The following TMEM163 variants were observed in gnomAD, a reference collection of about 807,000 sequenced individuals.
TMEM163 encodes the protein transmembrane protein 163.
Under a neutral mutation model 29.3 loss-of-function variants are expected in TMEM163, and 17 were observed. The ratio of observed to expected loss-of-function variants is 0.58; its 90% CI spans 0.40 to 0.87. The LOEUF is 0.87. Among genes scored for constraint, TMEM163 ranks in the 40% least tolerant of loss-of-function variants. The pLI, the probability that TMEM163 is intolerant of heterozygous loss-of-function variation, is 0.00. For missense variants in TMEM163, 303 were observed against 381.5 expected (o/e 0.79, Z 1.71); for synonymous variants, 157 against 160.6 (o/e 0.98, Z 0.17).
At chr2:134,701,056 G>T (rs930234284) in intron 2 of TMEM163, among the ~76,000 whole-genome samples, 12 of 151,822 alleles carry the variant, frequency 7.9e-5, no homozygotes, top group African/African-American at 2.9e-4. Context: ...GGTCCACATG[G>T]TCTAACCAGC....
intron 6 of TMEM163, among the ~76,000 whole-genome samples, chr2:134,461,669 C>T (rs532220397): frequency 7.4e-4 from 112 of 152,340 alleles, no homozygotes; most frequent in Middle Eastern, 3.4e-3. Flanking sequence ...TGGAATTTCC[C>T]CATCATCTCC....
At chr2:134,611,534 A>C (rs1359594212) in intron 2 of TMEM163, among the ~76,000 whole-genome samples, 1 of 152,192 alleles carries the variant, frequency 6.6e-6, no homozygotes, top group Admixed American at 6.5e-5. Context: ...CAATTGACCT[A>C]GTCATGACAT....
At chr2:134,613,862 CT>C (rs1474715100) in intron 2 of TMEM163, among the ~76,000 whole-genome samples, 3 of 152,072 alleles carry the variant, frequency 2.0e-5, no homozygotes, top group Admixed American at 2.0e-4. Context: ...AAACCACATT[CT>C]TGGTTTGGAA....
At chr2:134,535,689 A>C (rs1680520695) in intron 4 of TMEM163, among the ~76,000 whole-genome samples, 1 of 151,568 alleles carries the variant, frequency 6.6e-6, no homozygotes, top group African/African-American at 2.4e-5. Context: ...ATATGTATAA[A>C]TATTTTATAC....
chr2:134,493,816 G>A lies in TMEM163; in HGVS notation c.555+9085C>T, dbSNP rs141615895. On this transcript the variant is annotated intron_variant, in intron 5 of 7. Transcript: ENST00000281924. ...AGTTAGCTCTTGAATAAGGGTTGAT[G>A]CCCCTTTTTGTCCATATGGCAACCT... Among the ~76,000 whole-genome samples the A allele has an allele frequency of 2.4e-3, 362 of 152,266 alleles. 4 individuals are homozygous for A. Among genetic ancestry groups the A allele is most frequent in the Non-Finnish European group, 1.3e-3 (87 of 68,022 alleles).
intron 2 of TMEM163, among the ~76,000 whole-genome samples, chr2:134,656,620 C>A (rs1262705519): frequency 6.6e-6 from 1 of 152,218 alleles, no homozygotes; most frequent in Non-Finnish European, 1.5e-5. Context: ...GCAAGGTCAT[C>A]GAATGCTATG....
intron 2 of TMEM163, among the ~76,000 whole-genome samples, chr2:134,689,538 C>A (rs1254474201): frequency 2.0e-5 from 3 of 152,188 alleles, no homozygotes; most frequent in African/African-American, 7.2e-5. Flanking sequence ...CTCCAACTGC[C>A]CACTCCTGAG....
chr2:134,466,299 C>G, intron 5 of TMEM163, 74 bp from the exon 6 acceptor site: 1 of 1,260,268 alleles, frequency 7.9e-7, no homozygotes. Context: ...ACTTGCCTTA[C>G]AGATCAGCCT....
chr2:134,544,392 T>A (rs2106504765), intron 4 of TMEM163, among the ~76,000 whole-genome samples: 1 of 152,334 alleles, frequency 6.6e-6, no homozygotes, highest in East Asian at 1.9e-4. Context: ...AGAACTTTCA[T>A]CTGTTTTTTG....
intron 2 of TMEM163, among the ~76,000 whole-genome samples, chr2:134,676,942 G>A (rs1168187873): frequency 6.6e-6 from 1 of 151,950 alleles, no homozygotes; most frequent in Non-Finnish European, 1.5e-5. Context: ...CATAAATAGG[G>A]CAGGAAAAAA....
intron 2 of TMEM163, among the ~76,000 whole-genome samples, chr2:134,617,245 T>C (rs1180013980): frequency 6.6e-6 from 1 of 152,178 alleles, no homozygotes; most frequent in Non-Finnish European, 1.5e-5. Flanking sequence ...CAAAGTAGAT[T>C]ATGATACACT....
At chr2:134,487,255 G>A (rs1457790188) in intron 5 of TMEM163, among the ~76,000 whole-genome samples, 1 of 152,148 alleles carries the variant, frequency 6.6e-6, no homozygotes, top group African/African-American at 2.4e-5. Context: ...TAAAAAGTCA[G>A]CAAGGTTGCA....
chr2:134,656,664 C>G (rs1683626327), intron 2 of TMEM163, among the ~76,000 whole-genome samples: 1 of 152,198 alleles, frequency 6.6e-6, no homozygotes, highest in Admixed American at 6.5e-5. Flanking sequence ...ACATCCTTGT[C>G]TTGTTCCAGT....
At chr2:134,606,712 G>C (rs999656029) in intron 2 of TMEM163, among the ~76,000 whole-genome samples, 1 of 152,204 alleles carries the variant, frequency 6.6e-6, no homozygotes, top group Non-Finnish European at 1.5e-5. Context: ...AATCAAGAGG[G>C]TCAGTAACAA....
At chr2:134,491,591 G>A (rs989658638) in intron 5 of TMEM163, among the ~76,000 whole-genome samples, 11 of 152,074 alleles carry the variant, frequency 7.2e-5, no homozygotes, top group East Asian at 3.9e-4. Flanking sequence ...GGTTCCACTC[G>A]CCCTGTGTCT....
chr2:134,691,290 A>T (rs1684457344), intron 2 of TMEM163, among the ~76,000 whole-genome samples: 1 of 152,148 alleles, frequency 6.6e-6, no homozygotes, highest in Admixed American at 6.5e-5. Context: ...AGCACCTGTC[A>T]TTCCACAAGT....
chr2:134,697,463 ATTTTTT>A (rs3039626), intron 2 of TMEM163, among the ~76,000 whole-genome samples: 2 of 133,748 alleles, frequency 1.5e-5, no homozygotes, highest in East Asian at 4.3e-4. Context: ...TTTCTTCTCA[ATTTTTT>A]TTTTTTTTTT....
intron 1 of TMEM163, 115 bp downstream of exon 1, chr2:134,718,619 C>T: frequency 1.3e-6 from 1 of 788,254 alleles, no homozygotes; most frequent in Non-Finnish European, 1.6e-6. Context: ...GTCGGGGCTC[C>T]GCGCCCCCGC....
At chr2:134,599,693 CTT>C (rs559714595) in intron 2 of TMEM163, among the ~76,000 whole-genome samples, 28 of 130,918 alleles carry the variant, frequency 2.1e-4, no homozygotes, top group Non-Finnish European at 1.6e-4. Context: ...CCAACTTTAT[CTT>C]TTTTTTTTTT....
Sources: allele counts gnomAD v4.1 joint callset (sites outside exome capture counted in the v4.1 genomes callset), GRCh38; gene constraint gnomAD v4.1.1; transcripts MANE v1.5; gene names NCBI Gene and HGNC (gene_info 2026-07-23, HGNC 2026-07-21).